NRG1: variants seen among roughly 807,000 people sequenced by gnomAD.
NRG1 encodes the protein neuregulin 1.
NRG1 carries 18 observed loss-of-function variants against 63.8 expected under a neutral mutation model. The observed-to-expected ratio is 0.28, with a 90% confidence interval of 0.19 to 0.42. The LOEUF (loss-of-function observed/expected upper bound fraction) is 0.42, where lower values mean the gene tolerates loss of function less well. Among genes scored for constraint, NRG1 ranks in the 10% least tolerant of loss-of-function variants. The pLI is 1.00. For synonymous variants in NRG1, 302 were observed against 301.3 expected, an observed-to-expected ratio of 1.00 and a Z score of -0.02; for missense variants, 762 against 814.7, an observed-to-expected ratio of 0.94 and a Z score of 0.79.
chr8:32,032,419 A>G (rs575240629), intron 1 of NRG1, among the ~76,000 whole-genome samples: 74 of 152,134 alleles, frequency 4.9e-4, no homozygotes, highest in African/African-American at 1.5e-3. Context: ...ACCTGCCACT[A>G]TGCCCAGATA....
chr8:31,885,368 A>G (rs1375679935), intron 1 of NRG1, among the ~76,000 whole-genome samples: 1 of 152,104 alleles, frequency 6.6e-6, no homozygotes, highest in African/African-American at 2.4e-5. Flanking sequence ...TATAAAATAC[A>G]TTTAGATACA....
intron 1 of NRG1, among the ~76,000 whole-genome samples, chr8:32,344,870 A>G (rs924636242): frequency 1.3e-5 from 2 of 152,166 alleles, no homozygotes; most frequent in Admixed American, 6.6e-5. Context: ...TCTATTATGT[A>G]TTCTGCTCAG....
At chr8:31,801,802 T>C in intron 1 of NRG1, among the ~76,000 whole-genome samples, 1 of 152,248 alleles carries the variant, frequency 6.6e-6, no homozygotes, top group Middle Eastern at 3.2e-3. Context: ...CAGACGAAAG[T>C]TCTTATAAAA....
intron 9 of NRG1, 84 bp from the exon 10 acceptor site, chr8:32,759,222 C>A: frequency 7.0e-7 from 1 of 1,432,272 alleles, no homozygotes; most frequent in South Asian, 1.5e-5. Flanking sequence ...ACAGTGTTAA[C>A]GTTTTTATTT....
At chr8:31,639,922 G>A (rs1333143037) in intron 1 of NRG1, 1 of 1,111,544 alleles carries the variant, frequency 9.0e-7, no homozygotes, top group Non-Finnish European at 1.1e-6. Flanking sequence ...GAAAAGGGAG[G>A]CAGCGCGAGA....
intron 1 of NRG1, among the ~76,000 whole-genome samples, chr8:32,358,765 A>G (rs1806813587): frequency 6.6e-6 from 1 of 152,204 alleles, no homozygotes; most frequent in African/African-American, 2.4e-5. Flanking sequence ...TTAGGAGACA[A>G]TAAGATTACC....
At chr8:32,631,316 G>T (rs1036131717) in intron 5 of NRG1, among the ~76,000 whole-genome samples, 9 of 152,142 alleles carry the variant, frequency 5.9e-5, no homozygotes, top group African/African-American at 2.2e-4. Context: ...TGACCTCAAG[G>T]CTCCTTCCAA....
intron 1 of NRG1, among the ~76,000 whole-genome samples, chr8:31,960,352 G>A (rs930966426): frequency 6.6e-6 from 1 of 152,122 alleles, no homozygotes; most frequent in Non-Finnish European, 1.5e-5. Flanking sequence ...GGGAGTGAGT[G>A]AGGAGGGAGA....
chr8:32,444,879 G>A (rs1488773310), intron 1 of NRG1, among the ~76,000 whole-genome samples: 2 of 152,200 alleles, frequency 1.3e-5, no homozygotes, highest in Non-Finnish European at 2.9e-5. Flanking sequence ...GACTGAATCA[G>A]TTCAAAGAGC....
At chr8:32,257,459 C>T (rs1275362074) in intron 1 of NRG1, among the ~76,000 whole-genome samples, 1 of 152,162 alleles carries the variant, frequency 6.6e-6, no homozygotes, top group African/African-American at 2.4e-5. Context: ...GAGAGGATCT[C>T]TTTGATAATG....
chr8:32,330,027 C>A (rs1802448482), intron 1 of NRG1, among the ~76,000 whole-genome samples: 1 of 116,298 alleles, frequency 8.6e-6, no homozygotes, highest in African/African-American at 3.4e-5. Context: ...CATGTGCCTC[C>A]ACACCTAGCT....
At chr8:32,566,455 A>G (rs1588357062) in intron 1 of NRG1, among the ~76,000 whole-genome samples, 2 of 152,050 alleles carry the variant, frequency 1.3e-5, no homozygotes, top group East Asian at 3.9e-4. Flanking sequence ...TCCCAGCTTA[A>G]TGTGAAGAGG....
intron 1 of NRG1, among the ~76,000 whole-genome samples, chr8:32,132,632 G>A (rs188418121): frequency 1.4e-4 from 21 of 152,112 alleles, no homozygotes; most frequent in Non-Finnish European, 2.2e-4. Context: ...TAAGAAAGTG[G>A]CTGTTTGTGA....
chr8:31,695,096 G>A (rs1809919401), intron 1 of NRG1, among the ~76,000 whole-genome samples: 1 of 152,198 alleles, frequency 6.6e-6, no homozygotes, highest in African/African-American at 2.4e-5. Context: ...GCAGAAGGAT[G>A]AAGAGGAAGC....
At chr8:32,259,481 G>A (rs1028469650) in intron 1 of NRG1, among the ~76,000 whole-genome samples, 2 of 152,150 alleles carry the variant, frequency 1.3e-5, no homozygotes, top group African/African-American at 4.8e-5. Context: ...CCAGATGCCA[G>A]CATGATGTTC....
chr8:31,997,630 A>G (rs1586361909), intron 1 of NRG1, among the ~76,000 whole-genome samples: 1 of 152,080 alleles, frequency 6.6e-6, no homozygotes, highest in African/African-American at 2.4e-5. Context: ...TGTCAGTGCC[A>G]AGACTTAAAT....
intron 1 of NRG1, among the ~76,000 whole-genome samples, chr8:31,671,607 T>A (rs376073611): frequency 6.6e-5 from 10 of 152,194 alleles, no homozygotes; most frequent in African/African-American, 2.4e-4. Flanking sequence ...CAAACACAAG[T>A]CAAGCTTTTG....
At chr8:32,452,806 ATAC>A (rs1821131535) in intron 1 of NRG1, among the ~76,000 whole-genome samples, 1 of 152,202 alleles carries the variant, frequency 6.6e-6, no homozygotes, top group South Asian at 2.1e-4. Flanking sequence ...AGAATAAGAA[ATAC>A]TAAAGTGTTT....
intron 1 of NRG1, among the ~76,000 whole-genome samples, chr8:32,290,519 T>C (rs1282760220): frequency 6.6e-6 from 1 of 152,042 alleles, no homozygotes; most frequent in East Asian, 1.9e-4. Flanking sequence ...CTTTCCGAGA[T>C]TTTTTTGAGG....
Sources: allele counts gnomAD v4.1 joint callset (sites outside exome capture counted in the v4.1 genomes callset), GRCh38; gene constraint gnomAD v4.1.1; transcripts MANE v1.5; gene names NCBI Gene and HGNC (gene_info 2026-07-23, HGNC 2026-07-21).